The following ZNF775 variants were observed in gnomAD, a reference collection of about 807,000 sequenced individuals.
ZNF775 encodes the protein zinc finger protein 775.
Under a neutral mutation model 2.4 loss-of-function variants are expected in ZNF775, and 1 was observed. The observed-to-expected ratio is 0.41, with a 90% CI of 0.15 to 1.94. The LOEUF (loss-of-function observed/expected upper bound fraction) is 1.94. Among genes scored for constraint, ZNF775 ranks in the 30% most tolerant of loss-of-function variants. The pLI is 0.30. For missense variants in ZNF775, 823 were observed against 826.6 expected (o/e 1.00, Z 0.05); for synonymous variants, 381 against 373.3 (o/e 1.02, Z -0.24).
At chr7:150,383,347 C>T (rs911649289) in intron 1 of ZNF775, among the ~76,000 whole-genome samples, 5 of 152,298 alleles carry the variant, frequency 3.3e-5, no homozygotes, top group East Asian at 3.9e-4. Flanking sequence ...TTCACTCATC[C>T]GTTCATTCAT....
At position 150,384,184 on chromosome 7, in the gene ZNF775, G is replaced by A. The variant is rs549619382; in HGVS notation, c.-49-4238G>A. On this transcript the variant is annotated intron_variant, in intron 1 of 2. Coordinates refer to ENST00000329630, the MANE Select transcript of ZNF775 (RefSeq NM_173680.4). This position sits in a 1 kb window ranked among gnomAD's most constrained non-coding sequence, Gnocchi z 4.1. ...CCAGGCGTGGGAAGGGGGCCCCTGT[G>A]TGTCCTGCTCCCCTCAGAGCCCGAG... is the stretch of plus-strand genomic sequence containing the variant. 2.0e-5 allele frequency among the ~76,000 whole-genome samples: 3 copies of A among 152,232 alleles called. No individual in the cohort carries two copies. Among genetic ancestry groups the A allele is most frequent in the Non-Finnish European group, 4.4e-5 (3 of 68,044 alleles).
At chr7:150,388,033 C>T (rs2129621012) in intron 1 of ZNF775, among the ~76,000 whole-genome samples, 1 of 152,160 alleles carries the variant, frequency 6.6e-6, no homozygotes, top group South Asian at 2.1e-4. Flanking sequence ...GCAGACATGT[C>T]TCTAACCTTA....
intron 2 of ZNF775, among the ~76,000 whole-genome samples, chr7:150,393,112 C>T (rs1800589106): frequency 6.6e-6 from 1 of 152,014 alleles, no homozygotes; most frequent in South Asian, 2.1e-4. Flanking sequence ...TCACTGCCCC[C>T]CAAGTTCCCT....
At position 150,384,715 on chromosome 7, in the gene ZNF775, C is replaced by G. The variant is rs111699681; in HGVS notation, c.-49-3707C>G. Among the ~76,000 whole-genome samples the G allele has an allele frequency of 1.3e-5, 2 of 152,260 alleles. No individual in the cohort carries two copies. Among genetic ancestry groups the G allele is most frequent in the African/African-American group, 4.8e-5 (2 of 41,546 alleles). On this transcript the variant is annotated intron_variant, in intron 1 of 2. Coordinates refer to ENST00000329630, the MANE Select transcript of ZNF775 (RefSeq NM_173680.4). This position sits in a 1 kb window ranked among gnomAD's most constrained non-coding sequence, Gnocchi z 4.1. ...CCTTCTGTCTCCATTTCTGTTCTTA[C>G]GTAAGCCACAGGCTGCTTCCCCTCG... is the stretch of plus-strand genomic sequence containing the variant.
chr7:150,395,198 A>G (rs908464185), intron 2 of ZNF775, among the ~76,000 whole-genome samples: 1 of 152,084 alleles, frequency 6.6e-6, no homozygotes, highest in African/African-American at 2.4e-5. Context: ...AAAATCTTCT[A>G]TTTCATATAG....
At position 150,397,032 on chromosome 7, in the gene ZNF775, C is replaced by T. The variant is rs748438465; in HGVS notation, c.551C>T (p.Thr184Ile). 2 of 1,597,792 alleles carry T rather than the reference C, an allele frequency of 1.3e-6. No individual in the cohort carries two copies. The highest frequency in any genetic ancestry group is 1.1e-5 in the South Asian group (1 of 90,674). The change falls in exon 3 of 3, where the codon ACC becomes ATC. Residue 184 changes from threonine (T) to isoleucine (I), a missense_variant. Physicochemically the swap from Thr to Ile is moderately conservative, Grantham distance 89 (BLOSUM62 -1). Coordinates refer to ENST00000329630, the MANE Select transcript of ZNF775 (RefSeq NM_173680.4). ...CAGCACCTGCTCAAGCACCAGAAGA[C>T]CCACTCCCGGCCCGCCACCCACTCG... is the stretch of plus-strand genomic sequence containing the variant. ...QKQHLLKHQKTHSRPATHSCP... is the reference protein window; with the variant it reads ...QKQHLLKHQKIHSRPATHSCP...
At chr7:150,381,099 G>C (rs1375565288) in intron 1 of ZNF775, among the ~76,000 whole-genome samples, 1 of 152,206 alleles carries the variant, frequency 6.6e-6, no homozygotes, top group Non-Finnish European at 1.5e-5. Flanking sequence ...GGCCCTGACA[G>C]GTTCCTGAAT....
In ZNF775 at chr7:150,396,967, C is replaced by T. The variant is rs771359584; in HGVS notation, c.486C>T (p.Pro162=). ...AGCGGCACCACACGGGCGAGCGACC[C>T]TTCTGCTGCCCCGAGTGCGCGCGGC... ...RHQRHHTGER[P]FCCPECARRF... is the part of the protein sequence containing the mutation. The change falls in exon 3 of 3, where the codon CCC becomes CCT. Residue 162 remains proline (P), a synonymous_variant. Coordinates refer to ENST00000329630, the MANE Select transcript of ZNF775 (RefSeq NM_173680.4). The T allele has an allele frequency of 5.0e-6, 8 of 1,599,814 alleles. No individual in the cohort carries two copies. The Admixed American group carries it at 1.2e-4, about 23-fold the overall frequency.
In ZNF775 at chr7:150,398,267, G is replaced by C; in HGVS notation, c.*172G>C. 1 of 1,140,596 alleles carries C rather than the reference G, an allele frequency of 8.8e-7. No individual in the cohort carries two copies. Among genetic ancestry groups the C allele is most frequent in the Non-Finnish European group, 1.2e-6 (1 of 840,992 alleles). 70.7% of individuals were successfully genotyped at this position (1,140,596 alleles called of 1,614,324 possible). A position where few individuals can be genotyped will look rare whatever the true frequency, so the allele number is the denominator to read the frequency against. On this transcript the variant is annotated 3_prime_UTR_variant, in exon 3 of 3. Coordinates refer to ENST00000329630, the MANE Select transcript of ZNF775 (RefSeq NM_173680.4). Reference sequence around the variant, plus strand: ...TTCTAGAAGCGTCCCAAAGGGTGCTGGGAAAGGTCCCAGCGTGGGTTGAGG... The same window carrying C: ...TTCTAGAAGCGTCCCAAAGGGTGCTCGGAAAGGTCCCAGCGTGGGTTGAGG...
At position 150,397,494 on chromosome 7, in the gene ZNF775, C is replaced by T; in HGVS notation, c.1013C>T (p.Pro338Leu). 6.3e-7 allele frequency: 1 copy of T among 1,582,344 alleles called. No homozygotes were observed. Among genetic ancestry groups the T allele is most frequent in the African/African-American group, 1.4e-5 (1 of 73,976 alleles). ...AACCACACAGGCGAGCGCCCGCACCCCTGCCCGCACTGTGGCCGCGGCTTC... is the reference window on the plus strand; with the variant it reads ...AACCACACAGGCGAGCGCCCGCACCTCTGCCCGCACTGTGGCCGCGGCTTC... ...LRNHTGERPHPCPHCGRGFRQ... is the reference protein window; with the variant it reads ...LRNHTGERPHLCPHCGRGFRQ... Residue 338 changes from proline to leucine, a missense_variant, in exon 3 of 3, where the codon CCC becomes CTC. By Grantham distance (98) the Pro-to-Leu change is moderately conservative. Coordinates refer to ENST00000329630, the MANE Select transcript of ZNF775 (RefSeq NM_173680.4).
rs1337015837 is a variant in ZNF775, at chr7:150,384,756, C to T, written c.-49-3666C>T. ...CTTCCCCTCGAGCCCTGGTATGGCC[C>T]GAGACAGAGGCACCGAGGCTTGAGG... is the stretch of plus-strand genomic sequence containing the variant. On this transcript the variant is annotated intron_variant, in intron 1 of 2. Coordinates refer to ENST00000329630, the MANE Select transcript of ZNF775 (RefSeq NM_173680.4). The surrounding 1 kb of genome is among the most constrained non-coding windows in gnomAD (Gnocchi z 4.1). 2.0e-5 allele frequency among the ~76,000 whole-genome samples: 3 copies of T among 152,134 alleles called. No individual in the cohort carries two copies. Among genetic ancestry groups the T allele is most frequent in the African/African-American group, 4.8e-5 (2 of 41,420 alleles).
At chr7:150,388,564 A>T (rs1800498371) in intron 2 of ZNF775, 63 bp downstream of exon 2, 1 of 1,544,218 alleles carries the variant, frequency 6.5e-7, no homozygotes, top group African/African-American at 1.4e-5. Flanking sequence ...ACGTGCCCTT[A>T]TCTTTTCTAA....
Position 150,397,952 on chromosome 7 carries a change from C to T in ZNF775, c.1471C>T (p.Arg491Trp). The T allele has an allele frequency of 3.8e-6, 6 of 1,599,826 alleles. No homozygotes were observed. The highest frequency in any genetic ancestry group is 1.1e-5 in the South Asian group (1 of 90,746). ...CTTCAGCCAGAAGCCCAACCTGACGCGGCACCGGCGCAACCACACAGGCGA... is the reference window on the plus strand; with the variant it reads ...CTTCAGCCAGAAGCCCAACCTGACGTGGCACCGGCGCAACCACACAGGCGA... ...RRFSQKPNLT[R>W]HRRNHTGERP... Residue 491 changes from arginine (R) to tryptophan (W), a missense_variant, in exon 3 of 3, where the codon CGG (arginine) becomes TGG (tryptophan). Arg to Trp is a moderately radical substitution (Grantham distance 101, BLOSUM62 -3). Transcript: ENST00000329630.
chr7:150,389,789 A>G (rs879883851), intron 2 of ZNF775, among the ~76,000 whole-genome samples: 4 of 151,858 alleles, frequency 2.6e-5, no homozygotes, highest in Non-Finnish European at 5.9e-5. Flanking sequence ...TGAGGGAACC[A>G]CTCATCTGGA....
intron 2 of ZNF775, among the ~76,000 whole-genome samples, chr7:150,396,053 C>G (rs972396996): frequency 6.6e-6 from 1 of 152,150 alleles, no homozygotes; most frequent in Admixed American, 6.5e-5. Flanking sequence ...TCCAGCACGT[C>G]GATCCTCTTA....
chr7:150,386,427 T>A (rs1190768869), intron 1 of ZNF775, among the ~76,000 whole-genome samples: 1 of 152,180 alleles, frequency 6.6e-6, no homozygotes, highest in Non-Finnish European at 1.5e-5. Flanking sequence ...TTCTGCATTT[T>A]CTAGATTCAT....
chr7:150,381,804 C>T (rs1000827637), intron 1 of ZNF775, among the ~76,000 whole-genome samples: 5 of 152,094 alleles, frequency 3.3e-5, no homozygotes, highest in Non-Finnish European at 5.9e-5. Flanking sequence ...CTGTTCCCTC[C>T]CCAGATTGAG....
chr7:150,395,313 GTTC>G (rs1368525100), intron 2 of ZNF775, among the ~76,000 whole-genome samples: 2 of 152,050 alleles, frequency 1.3e-5, no homozygotes, highest in Admixed American at 6.6e-5. Context: ...TATTAATGCC[GTTC>G]TTCTACTTCC....
rs1160186619 is a variant in ZNF775 at position 150,397,776 on chromosome 7, G to A, written c.1295G>A (p.Arg432Gln). The change falls in exon 3 of 3, where the codon CGG (arginine) becomes CAG (glutamine). Residue 432 changes from arginine (R) to glutamine (Q), a missense_variant. Transcript: ENST00000329630. The part of the protein sequence containing the change: ...SPGARDTLWG[R>Q]GQAGLAGPGE... ...GGGGCCCGGGACACGCTGTGGGGCC[G>A]GGGACAAGCGGGCCTCGCTGGGCCT... The A allele has an allele frequency of 5.9e-6, 9 of 1,535,808 alleles. No homozygotes were observed. The highest frequency in any genetic ancestry group is 1.4e-5 in the African/African-American group (1 of 72,680).
Sources: gnomAD v4.1 joint callset for allele counts (sites outside exome capture counted in the v4.1 genomes callset) on GRCh38, gnomAD v4.1.1 for gene constraint, Gnocchi (gnomAD v3.1) non-coding constraint, MANE v1.5 for transcripts, NCBI Gene and HGNC (gene_info 2026-07-23, HGNC 2026-07-21) for gene names.